Variants in EYS observed in about 807,000 individuals in gnomAD.
The protein encoded by EYS is EGF-like photoreceptor maintenance factor.
Under a neutral mutation model 282.1 loss-of-function variants are expected in EYS, and 250 were observed. That is an observed-to-expected ratio of 0.89 (90% CI 0.80 to 0.98). EYS has a LOEUF of 0.98. Among genes scored for constraint, EYS ranks in the 50% least tolerant of loss-of-function variants. The pLI is 0.00. For missense variants in EYS, 4,016 were observed against 3,709.0 expected (o/e 1.08, Z -2.15); for synonymous variants, 1,355 against 1,282.9 (o/e 1.06, Z -1.20).
At chr6:65,446,011 A>G (rs1271791383) in intron 5 of EYS, among the ~76,000 whole-genome samples, 1 of 151,826 alleles carries the variant, frequency 6.6e-6, no homozygotes, top group East Asian at 1.9e-4. Flanking sequence ...AAATTTTCAT[A>G]GTATAAATAA....
At chr6:65,556,627 C>T (rs188544265) in intron 2 of EYS, among the ~76,000 whole-genome samples, 1 of 152,170 alleles carries the variant, frequency 6.6e-6, no homozygotes, top group African/African-American at 2.4e-5. Context: ...CTTTACAATA[C>T]CATATTATAA....
intron 26 of EYS, among the ~76,000 whole-genome samples, chr6:64,587,800 C>T (rs771917348): frequency 6.6e-6 from 1 of 151,808 alleles, no homozygotes; most frequent in Admixed American, 6.6e-5. Flanking sequence ...ACTATAGTAA[C>T]CAAGACAGTT....
chr6:65,348,480 G>A (rs1372431584), intron 9 of EYS, among the ~76,000 whole-genome samples: 1 of 151,606 alleles, frequency 6.6e-6, no homozygotes, highest in Non-Finnish European at 1.5e-5. Flanking sequence ...ATAATGTTGA[G>A]CACATTTTCA....
At chr6:64,222,619 C>T (rs1309198112) in intron 31 of EYS, among the ~76,000 whole-genome samples, 1 of 151,980 alleles carries the variant, frequency 6.6e-6, no homozygotes, top group Non-Finnish European at 1.5e-5. Flanking sequence ...TGTAGTTCCT[C>T]TACCATTATT....
chr6:65,503,632 G>A (rs1766541690), intron 2 of EYS, among the ~76,000 whole-genome samples: 1 of 151,622 alleles, frequency 6.6e-6, no homozygotes, highest in Non-Finnish European at 1.5e-5. Flanking sequence ...TGTGAAGAGT[G>A]TAAGTTGTAA....
At chr6:65,440,249 G>T (rs1368228470) in intron 5 of EYS, among the ~76,000 whole-genome samples, 1 of 151,842 alleles carries the variant, frequency 6.6e-6, no homozygotes, top group Non-Finnish European at 1.5e-5. Context: ...CACTGGACAG[G>T]GCCTTCTATG....
intron 30 of EYS, among the ~76,000 whole-genome samples, chr6:64,298,505 G>T (rs186304863): frequency 6.6e-6 from 1 of 151,908 alleles, no homozygotes; most frequent in Admixed American, 6.6e-5. Flanking sequence ...GCTGTTAATC[G>T]CATGGTAACT....
At chr6:64,489,533 T>C (rs1028094295) in intron 26 of EYS, among the ~76,000 whole-genome samples, 4 of 147,334 alleles carry the variant, frequency 2.7e-5, no homozygotes, top group Non-Finnish European at 6.0e-5. Context: ...AATATCAATA[T>C]AAATATTTTA....
At chr6:65,583,614 T>C (rs1403556079) in intron 2 of EYS, among the ~76,000 whole-genome samples, 1 of 152,094 alleles carries the variant, frequency 6.6e-6, no homozygotes, top group Non-Finnish European at 1.5e-5. Context: ...CTTTTTAAAG[T>C]GGAAAATGGA....
intron 22 of EYS, among the ~76,000 whole-genome samples, chr6:64,723,054 G>A (rs924113473): frequency 2.1e-5 from 3 of 146,026 alleles, no homozygotes; most frequent in Non-Finnish European, 4.5e-5. Flanking sequence ...GCTTCATACT[G>A]AAGGTTTCAG....
chr6:64,500,030 A>G (rs1177511205), intron 26 of EYS, among the ~76,000 whole-genome samples: 5 of 152,112 alleles, frequency 3.3e-5, no homozygotes, highest in African/African-American at 1.2e-4. Context: ...CAAGTAAAGG[A>G]AACAAATTTA....
intron 2 of EYS, among the ~76,000 whole-genome samples, chr6:65,637,643 C>T (rs958086407): frequency 6.6e-6 from 1 of 152,206 alleles, no homozygotes; most frequent in Non-Finnish European, 1.5e-5. Flanking sequence ...GCTCCCTGGC[C>T]TCTCCCCACT....
At chr6:63,774,857 T>A (rs1770025478) in intron 40 of EYS, among the ~76,000 whole-genome samples, 1 of 150,534 alleles carries the variant, frequency 6.6e-6, no homozygotes, top group African/African-American at 2.4e-5. Flanking sequence ...ACATTTTTAG[T>A]TTGGAATCAA....
chr6:64,626,110 A>C lies in EYS; in HGVS notation c.3568+11T>G. On this transcript the variant is annotated intron_variant, in intron 23 of 42. Coordinates refer to ENST00000503581, the MANE Select transcript of EYS (RefSeq NM_001142800.2). ...TATATGCAGTATGCTTATTATTTTT[A>C]AAATAATTACCTGGTTGGCATTTGC... The C allele has an allele frequency of 1.3e-6, 2 of 1,493,982 alleles. No individual in the cohort carries two copies. Among genetic ancestry groups the C allele is most frequent in the South Asian group, 1.3e-5 (1 of 79,862 alleles). 92.5% of individuals were successfully genotyped at this position (1,493,982 alleles called of 1,614,324 possible).
chr6:65,333,946 T>C (rs1769887892), intron 11 of EYS, among the ~76,000 whole-genome samples: 1 of 151,472 alleles, frequency 6.6e-6, no homozygotes, highest in Admixed American at 6.6e-5. Context: ...AGCTTATTTG[T>C]ATCTTTGAAT....
At chr6:64,774,993 A>G (rs890376207) in intron 22 of EYS, among the ~76,000 whole-genome samples, 1 of 151,990 alleles carries the variant, frequency 6.6e-6, no homozygotes, top group Non-Finnish European at 1.5e-5. Context: ...TCTAGTGCCT[A>G]TCAGATAAGT....
chr6:64,019,842 ATATATAAG>A (rs1210369312), intron 33 of EYS, among the ~76,000 whole-genome samples: 3 of 112,890 alleles, frequency 2.7e-5, no homozygotes, highest in African/African-American at 1.3e-4. Context: ...ATATATATGT[ATATATAAG>A]TATATATATA....
At chr6:63,741,208 A>T (rs1320948106) in intron 41 of EYS, among the ~76,000 whole-genome samples, 1 of 152,188 alleles carries the variant, frequency 6.6e-6, no homozygotes, top group East Asian at 1.9e-4. Context: ...TTCACTCATG[A>T]TCACCACTTT....
intron 19 of EYS, among the ~76,000 whole-genome samples, chr6:64,881,999 C>T (rs1470607296): frequency 6.6e-6 from 1 of 151,682 alleles, no homozygotes; most frequent in Non-Finnish European, 1.5e-5. Context: ...TAAGATCCAG[C>T]TTTTGATAAA....
Sources: gnomAD v4.1 joint callset for allele counts (sites outside exome capture counted in the v4.1 genomes callset) on GRCh38, gnomAD v4.1.1 for gene constraint, MANE v1.5 for transcripts, NCBI Gene and HGNC (gene_info 2026-07-23, HGNC 2026-07-21) for gene names.